Variants in TMCO5A observed in about 807,000 individuals in gnomAD.
TMCO5A encodes transmembrane and coiled-coil domain-containing protein 5A.
A neutral mutation model predicts 42.3 loss-of-function variants in TMCO5A; 34 were observed. That is an observed-to-expected ratio of 0.80 (90% CI 0.61 to 1.07). TMCO5A has a LOEUF of 1.07. Among genes scored for constraint, TMCO5A ranks in the 50% least tolerant of loss-of-function variants. TMCO5A has a pLI of 0.00. For missense variants in TMCO5A, 357 were observed against 327.9 expected (o/e 1.09, Z -0.69); for synonymous variants, 131 against 115.6 (o/e 1.13, Z -0.86).
At chr15:37,974,493 G>A in the TMCO5A span, among the ~76,000 whole-genome samples, 1 of 152,096 alleles carries the variant, frequency 6.6e-6, no homozygotes, top group African/African-American at 2.4e-5. Context: ...GGGAGGCGTA[G>A]GTTTCCAAGA....
chr15:37,981,948 T>C, the TMCO5A span, among the ~76,000 whole-genome samples: 61 of 152,344 alleles, frequency 4.0e-4, no homozygotes, highest in Non-Finnish European at 5.7e-4. Context: ...TATTCCCTTA[T>C]GATTTGACCA....
intron 6 of TMCO5A, among the ~76,000 whole-genome samples, chr15:37,938,901 G>C (rs61091360): frequency 6.6e-6 from 1 of 152,038 alleles, no homozygotes; most frequent in East Asian, 1.9e-4. Flanking sequence ...ATGAGAGAGA[G>C]AGAGAAATTT....
At chr15:37,946,127 C>G (rs1033820493) in intron 10 of TMCO5A, among the ~76,000 whole-genome samples, 9 of 152,054 alleles carry the variant, frequency 5.9e-5, no homozygotes, top group Non-Finnish European at 1.2e-4. Context: ...AATAGGGAGT[C>G]CTTTCCCCAT....
chr15:38,018,563 C>T, the TMCO5A span, among the ~76,000 whole-genome samples: 1 of 147,730 alleles, frequency 6.8e-6, no homozygotes, highest in East Asian at 2.0e-4. Flanking sequence ...ACCCAACTGG[C>T]AAAAAAAAGA....
downstream of TMCO5A, among the ~76,000 whole-genome samples, chr15:37,970,530 C>G (rs868691837): frequency 1.3e-5 from 2 of 152,196 alleles, no homozygotes; most frequent in African/African-American, 4.8e-5. Flanking sequence ...TAAAACCAAT[C>G]ATGCCTTTCC....
At chr15:38,027,161 A>G in the TMCO5A span, among the ~76,000 whole-genome samples, 1 of 152,156 alleles carries the variant, frequency 6.6e-6, no homozygotes, top group African/African-American at 2.4e-5. Flanking sequence ...GACAGCTTGC[A>G]CCATTTGCCT....
the TMCO5A span, among the ~76,000 whole-genome samples, chr15:38,017,697 T>A: frequency 1.3e-5 from 2 of 152,112 alleles, no homozygotes; most frequent in African/African-American, 4.8e-5. Flanking sequence ...ACTCACTGCA[T>A]CTGAGTAAGG....
Position 37,951,217 on chromosome 15 carries a change from G to A in TMCO5A, c.850G>A (p.Asp284Asn), listed in dbSNP as rs759103183. Residue 284 changes from aspartate to asparagine, a missense_variant, in exon 12 of 12, where the codon GAC becomes AAC. Transcript: ENST00000319669. ...TCCATCTCTCACACTTGAGACAGAGGACATGTTACCCCACTGATTCCCTAA... is the reference window on the plus strand; with the variant it reads ...TCCATCTCTCACACTTGAGACAGAGAACATGTTACCCCACTGATTCCCTAA... ...FFPSLTLETE[D>N]MLPH 5.0e-6 allele frequency: 8 copies of A among 1,613,656 alleles called. No individual in the cohort carries two copies. The highest frequency in any genetic ancestry group is 1.7e-4 in the Middle Eastern group (1 of 6,028).
chr15:37,937,382 G>A lies in TMCO5A; in HGVS notation c.301G>A (p.Glu101Lys), dbSNP rs1225177181. The change falls in exon 5 of 12, where the codon GAA (glutamate) becomes AAA (lysine). Residue 101 changes from glutamate to lysine, a missense_variant. Transcript: ENST00000319669. ...KNKTLVHSIT[E>K]LQQKLTRKSQ... ...TAAGACGTTGGTCCACAGTATAACA[G>A]AACTTCAACAAAAGGTGAGGTAGGG... The A allele has an allele frequency of 1.2e-6, 2 of 1,613,084 alleles. No homozygotes were observed. Among genetic ancestry groups the A allele is most frequent in the Non-Finnish European group, 1.7e-6 (2 of 1,179,346 alleles).
At chr15:37,999,754 C>T in the TMCO5A span, among the ~76,000 whole-genome samples, 1 of 152,026 alleles carries the variant, frequency 6.6e-6, no homozygotes, top group African/African-American at 2.4e-5. Context: ...TGAATTTTAT[C>T]AAATGCTTTT....
chr15:37,940,802 C>T (rs541245063), intron 6 of TMCO5A, among the ~76,000 whole-genome samples: 2 of 152,020 alleles, frequency 1.3e-5, no homozygotes, highest in African/African-American at 4.8e-5. Context: ...AAGGAGTGAA[C>T]AAACACCTTA....
chr15:38,005,305 A>G, the TMCO5A span, among the ~76,000 whole-genome samples: 1 of 148,050 alleles, frequency 6.8e-6, no homozygotes, highest in Non-Finnish European at 1.5e-5. Context: ...ACTGAGCACA[A>G]TGGCTTATGC....
the TMCO5A span, among the ~76,000 whole-genome samples, chr15:38,016,329 G>A: frequency 6.6e-6 from 1 of 152,214 alleles, no homozygotes; most frequent in African/African-American, 2.4e-5. Flanking sequence ...AGACCAGCAA[G>A]AATATTTGTG....
At chr15:37,975,155 C>T in the TMCO5A span, among the ~76,000 whole-genome samples, 4 of 152,162 alleles carry the variant, frequency 2.6e-5, no homozygotes, top group Admixed American at 2.6e-4. Flanking sequence ...TGTTTTATGG[C>T]CAATTGTGTG....
At chr15:37,956,400 T>A (rs564391229), downstream of TMCO5A, among the ~76,000 whole-genome samples, 71 of 152,072 alleles carry the variant, frequency 4.7e-4, no homozygotes, top group African/African-American at 1.6e-3. Flanking sequence ...ATAAAAATCA[T>A]AAAGGGGATA....
chr15:37,941,349 A>G (rs963560672), intron 7 of TMCO5A, 144 bp downstream of exon 7: 3 of 819,608 alleles, frequency 3.7e-6, no homozygotes, highest in Non-Finnish European at 5.9e-6. Flanking sequence ...AAAGAAAAGG[A>G]AGATAAGCAC....
At chr15:37,954,778 A>G (rs1890243935), downstream of TMCO5A, among the ~76,000 whole-genome samples, 5 of 152,166 alleles carry the variant, frequency 3.3e-5, no homozygotes, top group Admixed American at 3.3e-4. Flanking sequence ...ATATAAATAG[A>G]AACAACAAGA....
the TMCO5A span, among the ~76,000 whole-genome samples, chr15:38,032,080 C>T: frequency 1.3e-5 from 2 of 152,044 alleles, no homozygotes; most frequent in African/African-American, 2.4e-5. Context: ...CTCAGCTTCC[C>T]GAGTAGCTGG....
chr15:37,958,890 C>T (rs1431522771), intron 11 of TMCO5A, among the ~76,000 whole-genome samples: 3 of 152,036 alleles, frequency 2.0e-5, no homozygotes, highest in African/African-American at 4.8e-5. Flanking sequence ...CAATGATACA[C>T]TGGATAAAGA....
Sources: gnomAD v4.1 joint callset for allele counts (sites outside exome capture counted in the v4.1 genomes callset) on GRCh38, gnomAD v4.1.1 for gene constraint, MANE v1.5 for transcripts, NCBI Gene and HGNC (gene_info 2026-07-23, HGNC 2026-07-21) for gene names.